CDYL2: variants seen among roughly 807,000 people sequenced by gnomAD.
The protein encoded by CDYL2 is chromodomain Y like 2.
Under a neutral mutation model 49.4 loss-of-function variants are expected in CDYL2, and 23 were observed. The observed-to-expected ratio is 0.47, with a 90% CI of 0.34 to 0.66. The LOEUF is 0.66. Among genes scored for constraint, CDYL2 ranks in the 30% least tolerant of loss-of-function variants. The pLI, the probability that CDYL2 is intolerant of heterozygous loss-of-function variation, is 0.01. For synonymous variants in CDYL2, 360 were observed against 268.8 expected, an observed-to-expected ratio of 1.34 and a Z score of -3.32; for missense variants, 678 against 656.4, an observed-to-expected ratio of 1.03 and a Z score of -0.36.
intron 1 of CDYL2, among the ~76,000 whole-genome samples, chr16:80,702,890 G>A (rs1255768376): frequency 3.3e-5 from 5 of 152,282 alleles, no homozygotes; most frequent in Non-Finnish European, 5.9e-5. Context: ...CTGCATGAGT[G>A]AGCCCAGATG....
chr16:80,702,491 CTATAATT>C (rs1179586783), intron 1 of CDYL2, among the ~76,000 whole-genome samples: 1 of 152,132 alleles, frequency 6.6e-6, no homozygotes, highest in Admixed American at 6.5e-5. Context: ...GGGCTCACGT[CTATAATT>C]CAGCACTCTG....
At chr16:80,722,811 C>T (rs1392322852) in intron 1 of CDYL2, among the ~76,000 whole-genome samples, 1 of 152,190 alleles carries the variant, frequency 6.6e-6, no homozygotes, top group African/African-American at 2.4e-5. Flanking sequence ...TGCCAGGAGA[C>T]AGACTACGGC....
chr16:80,776,028 C>G (rs993635750), intron 1 of CDYL2, among the ~76,000 whole-genome samples: 10 of 151,792 alleles, frequency 6.6e-5, no homozygotes, highest in African/African-American at 2.4e-4. Context: ...TGCATAAAAA[C>G]TTGAAGTTAT....
intron 1 of CDYL2, among the ~76,000 whole-genome samples, chr16:80,748,320 G>A (rs1294903547): frequency 6.7e-6 from 1 of 148,836 alleles, no homozygotes; most frequent in African/African-American, 2.5e-5. Flanking sequence ...AGGTCAGCAG[G>A]TCGAGACCAT....
chr16:80,664,485 T>C (rs1190149032), intron 2 of CDYL2, among the ~76,000 whole-genome samples: 4 of 152,190 alleles, frequency 2.6e-5, no homozygotes, highest in Non-Finnish European at 5.9e-5. Context: ...AGCTGATCCC[T>C]TAATCAGCTT....
At chr16:80,634,776 T>C (rs1221517898) in intron 2 of CDYL2, among the ~76,000 whole-genome samples, 1 of 152,020 alleles carries the variant, frequency 6.6e-6, no homozygotes, top group Non-Finnish European at 1.5e-5. Context: ...GAGAAATACA[T>C]CATCTCATCT....
At chr16:80,769,650 C>A (rs1906841442) in intron 1 of CDYL2, among the ~76,000 whole-genome samples, 1 of 152,146 alleles carries the variant, frequency 6.6e-6, no homozygotes, top group Non-Finnish European at 1.5e-5. Flanking sequence ...CCTCCCCAGG[C>A]CGAAAGATGT....
intron 2 of CDYL2, among the ~76,000 whole-genome samples, chr16:80,663,752 C>G (rs1188251664): frequency 1.3e-5 from 2 of 152,138 alleles, no homozygotes; most frequent in Non-Finnish European, 2.9e-5. Flanking sequence ...ACCACCACAC[C>G]CAGCTAATTT....
chr16:80,791,042 AG>A (rs1907593122), intron 1 of CDYL2, among the ~76,000 whole-genome samples: 1 of 152,244 alleles, frequency 6.6e-6, no homozygotes, highest in African/African-American at 2.4e-5. Context: ...TAGAGATCTC[AG>A]TGAAAGACTA....
intron 1 of CDYL2, among the ~76,000 whole-genome samples, chr16:80,784,216 T>C (rs1314187069): frequency 1.3e-5 from 2 of 152,206 alleles, no homozygotes; most frequent in Non-Finnish European, 2.9e-5. Context: ...TTTCCTTTCA[T>C]TTTGTTGTTC....
intron 2 of CDYL2, chr16:80,679,684 T>A: frequency 2.2e-6 from 1 of 456,092 alleles, no homozygotes; most frequent in South Asian, 1.5e-5. Flanking sequence ...GTCTTATGAA[T>A]GCCAACTCCA....
chr16:80,721,938 C>G (rs779909286), intron 1 of CDYL2, among the ~76,000 whole-genome samples: 2 of 152,180 alleles, frequency 1.3e-5, no homozygotes, highest in Non-Finnish European at 2.9e-5. Flanking sequence ...ACGAAGAGGT[C>G]CTAGCCACTA....
chr16:80,644,798 C>T (rs948803990), intron 2 of CDYL2, among the ~76,000 whole-genome samples: 1 of 152,060 alleles, frequency 6.6e-6, no homozygotes, highest in African/African-American at 2.4e-5. Context: ...GAGATACAGA[C>T]CAATGGAACA....
At chr16:80,648,884 T>C (rs1304808262) in intron 2 of CDYL2, among the ~76,000 whole-genome samples, 2 of 152,104 alleles carry the variant, frequency 1.3e-5, no homozygotes, top group African/African-American at 4.8e-5. Flanking sequence ...AACAGAATGA[T>C]GGACAAAAAC....
intron 4 of CDYL2, among the ~76,000 whole-genome samples, chr16:80,613,294 G>A: frequency 6.6e-6 from 1 of 152,196 alleles, no homozygotes; most frequent in South Asian, 2.1e-4. Context: ...GGCCAAAGGT[G>A]AATGGAGTGG....
chr16:80,672,317 T>TTA (rs1909544061), intron 2 of CDYL2, among the ~76,000 whole-genome samples: 1 of 66,098 alleles, frequency 1.5e-5, no homozygotes, highest in Admixed American at 2.0e-4. Context: ...ATACAAAATG[T>TTA]TACACACACA....
intron 4 of CDYL2, among the ~76,000 whole-genome samples, chr16:80,615,284 G>T (rs1044432304): frequency 4.6e-5 from 7 of 152,146 alleles, no homozygotes; most frequent in Non-Finnish European, 1.0e-4. Context: ...GCTTTTCACT[G>T]AAAGCAATTT....
At chr16:80,716,596 C>A (rs576285846) in intron 1 of CDYL2, among the ~76,000 whole-genome samples, 2 of 150,808 alleles carry the variant, frequency 1.3e-5, no homozygotes, top group South Asian at 4.2e-4. Flanking sequence ...ACAGATGGAT[C>A]AATGGATAGA....
Position 80,804,274 on chromosome 16 carries a change from T to A in CDYL2, c.-101A>T, listed in dbSNP as rs2041999611. The A allele has an allele frequency of 1.8e-6, 2 of 1,099,742 alleles. No homozygotes were observed. The highest frequency in any genetic ancestry group is 6.1e-5 in the Admixed American group (2 of 33,022). The allele number at this position is 1,099,742 out of a possible 1,614,324, so 68.1% of individuals were successfully genotyped here. On this transcript the variant is annotated 5_prime_UTR_variant, in exon 1 of 7. Transcript: ENST00000570137. ...CGGTGTGCGCGTGTGTGTGCGCGCGTGTGTGTGCGAGTGTGTGTGGTGTGT... is the reference window on the plus strand; with the variant it reads ...CGGTGTGCGCGTGTGTGTGCGCGCGAGTGTGTGCGAGTGTGTGTGGTGTGT...
Sources: gnomAD v4.1 joint callset for allele counts (sites outside exome capture counted in the v4.1 genomes callset) on GRCh38, gnomAD v4.1.1 for gene constraint, MANE v1.5 for transcripts, NCBI Gene and HGNC (gene_info 2026-07-23, HGNC 2026-07-21) for gene names.